Variants in UNC79 observed in about 807,000 individuals in gnomAD.
UNC79 encodes the protein protein unc-79 homolog.
In UNC79, 37 loss-of-function variants were observed where a neutral mutation model predicts 283.1. The ratio of observed to expected loss-of-function variants is 0.13; its 90% confidence interval spans 0.10 to 0.17. The LOEUF is 0.17. Ranked by LOEUF, UNC79 falls within the 10% of genes least tolerant of loss-of-function variation. The pLI is 1.00. For missense variants in UNC79, 2,272 were observed against 3,211.1 expected (o/e 0.71, Z 7.07); for synonymous variants, 1,107 against 1,200.2 (o/e 0.92, Z 1.61).
rs61315438 is a variant in UNC79 at position 93,607,838 on chromosome 14, C to G, written c.3754+4420C>G. On this transcript the variant is annotated intron_variant, in intron 26 of 48. Transcript: ENST00000555664. Reference sequence around the variant, plus strand: ...CTTTCCTGTCTCCTTAGTGTCCCAGCCTAGAATTCCAAATAGCTTTTCTTT... The same window carrying G: ...CTTTCCTGTCTCCTTAGTGTCCCAGGCTAGAATTCCAAATAGCTTTTCTTT... Among the ~76,000 whole-genome samples the G allele has an allele frequency of 0.02, 3,069 of 152,290 alleles. 236 individuals carry two copies. In the East Asian group the frequency reaches 0.28, roughly 14 times the overall value.
At chr14:93,398,547 G>A (rs1478870255) in intron 1 of UNC79, among the ~76,000 whole-genome samples, 6 of 152,170 alleles carry the variant, frequency 3.9e-5, no homozygotes, top group Admixed American at 3.9e-4. Context: ...CTGTTTATCT[G>A]ATGTCCATTG....
intron 1 of UNC79, among the ~76,000 whole-genome samples, chr14:93,383,758 G>T (rs920777269): frequency 2.0e-5 from 3 of 152,122 alleles, no homozygotes; most frequent in African/African-American, 4.8e-5. Context: ...ATCTCATCTA[G>T]AATTGTAACA....
chr14:93,684,389 A>G (rs1566920535), intron 42 of UNC79, among the ~76,000 whole-genome samples: 1 of 152,208 alleles, frequency 6.6e-6, no homozygotes, highest in South Asian at 2.1e-4. Context: ...TTATTAAAGC[A>G]TCATTTAAAA....
intron 1 of UNC79, among the ~76,000 whole-genome samples, chr14:93,365,886 G>A (rs1377092684): frequency 6.6e-6 from 1 of 152,094 alleles, no homozygotes; most frequent in Non-Finnish European, 1.5e-5. Flanking sequence ...GCCTCAGATT[G>A]AAACAATCCG....
At chr14:93,635,667 C>G (rs1457979187) in intron 31 of UNC79, among the ~76,000 whole-genome samples, 7 of 152,184 alleles carry the variant, frequency 4.6e-5, no homozygotes, top group Admixed American at 4.6e-4. Context: ...AACTAAATCC[C>G]ACACAGCATA....
chr14:93,546,995 A>G (rs1261453300), intron 14 of UNC79, among the ~76,000 whole-genome samples: 2 of 152,230 alleles, frequency 1.3e-5, no homozygotes, highest in African/African-American at 2.4e-5. Flanking sequence ...AACAATTACT[A>G]TCTGAATGAC....
intron 14 of UNC79, among the ~76,000 whole-genome samples, chr14:93,570,820 T>C (rs1382781195): frequency 1.3e-5 from 2 of 152,226 alleles, no homozygotes. Flanking sequence ...TCCAAAAGCG[T>C]ACTTGTTCCA....
chr14:93,634,822 C>T (rs528954427), intron 31 of UNC79, among the ~76,000 whole-genome samples, 185 bp downstream of exon 34: 3 of 152,278 alleles, frequency 2.0e-5, no homozygotes, highest in South Asian at 2.1e-4. Flanking sequence ...TAGAGTGACA[C>T]GCTCTTCCGT....
chr14:93,439,998 C>G (rs1401296122), intron 1 of UNC79, among the ~76,000 whole-genome samples: 1 of 151,664 alleles, frequency 6.6e-6, no homozygotes, highest in Non-Finnish European at 1.5e-5. Flanking sequence ...GTGGTTTTTG[C>G]ATCCATGGAT....
intron 12 of UNC79, among the ~76,000 whole-genome samples, chr14:93,539,917 A>G (rs528984442): frequency 6.6e-6 from 1 of 152,314 alleles, no homozygotes; most frequent in Admixed American, 6.5e-5. Context: ...CTATCGTTAC[A>G]TATTTAGACT....
chr14:93,421,589 A>G (rs1337869300), intron 1 of UNC79, among the ~76,000 whole-genome samples: 1 of 151,660 alleles, frequency 6.6e-6, no homozygotes, highest in African/African-American at 2.4e-5. Flanking sequence ...TAATATTTCC[A>G]AATACATCCT....
At chr14:93,505,020 C>T (rs2059458829) in intron 7 of UNC79, among the ~76,000 whole-genome samples, 1 of 151,900 alleles carries the variant, frequency 6.6e-6, no homozygotes, top group African/African-American at 2.4e-5. Context: ...TATTTCATTC[C>T]ATTGCCATTT....
intron 14 of UNC79, among the ~76,000 whole-genome samples, chr14:93,552,811 A>G (rs1476511161): frequency 6.6e-6 from 1 of 152,156 alleles, no homozygotes; most frequent in African/African-American, 2.4e-5. Flanking sequence ...AAACACTTGT[A>G]TGAATTGGGT....
chr14:93,560,923 A>G lies in UNC79; in HGVS notation c.1756-10971A>G, dbSNP rs138198541. On this transcript the variant is annotated intron_variant, in intron 14 of 48. Transcript: ENST00000555664. ...GGGAGAGGCTCGATTTTCATGGTGT[A>G]TGAGAAAACGTTGAGTGCCCACGAG... is the stretch of plus-strand genomic sequence containing the variant. Among the ~76,000 whole-genome samples the G allele has an allele frequency of 6.4e-3, 981 of 152,266 alleles. 5 individuals carry two copies. Among genetic ancestry groups the G allele is most frequent in the Non-Finnish European group, 0.01 (710 of 68,018 alleles).
intron 20 of UNC79, 93 bp downstream of exon 20, chr14:93,582,437 A>G (rs1294804420): frequency 6.5e-7 from 1 of 1,529,246 alleles, no homozygotes; most frequent in Admixed American, 2.1e-5. Flanking sequence ...ACTTGGGCAA[A>G]TTCAGACGTG....
At chr14:93,622,306 T>C (rs2067199380) in exon 30 of UNC79, 2 of 1,613,954 alleles carry the variant, frequency 1.2e-6, no homozygotes, top group Non-Finnish European at 1.7e-6. Context: ...GTGTGGAGGA[T>C]TGTTCCAAAG....
intron 1 of UNC79, among the ~76,000 whole-genome samples, chr14:93,390,349 A>T (rs2054859797): frequency 1.3e-5 from 2 of 152,210 alleles, no homozygotes; most frequent in Admixed American, 1.3e-4. Context: ...ACAGAAAAGC[A>T]ATAGGAAAAT....
At chr14:93,691,006 G>A (rs1396502062) in intron 45 of UNC79, 1 of 153,298 alleles carries the variant, frequency 6.5e-6, no homozygotes, top group Admixed American at 6.5e-5. Flanking sequence ...CTGACGATGT[G>A]ATAAAATGGC....
chr14:93,633,492 G>T (rs775825310), intron 31 of UNC79, among the ~76,000 whole-genome samples: 1 of 152,156 alleles, frequency 6.6e-6, no homozygotes, highest in South Asian at 2.1e-4. Flanking sequence ...CGGTCATCCC[G>T]GTCTCTACCA....
Sources: allele counts gnomAD v4.1 joint callset (sites outside exome capture counted in the v4.1 genomes callset), GRCh38; gene constraint gnomAD v4.1.1; transcripts MANE v1.5; gene names NCBI Gene and HGNC (gene_info 2026-07-23, HGNC 2026-07-21).